Variants in LZTFL1 observed in about 807,000 individuals in gnomAD.
LZTFL1 encodes leucine zipper transcription factor like 1, also known as leucine zipper transcription factor-like protein 1.
LZTFL1 carries 25 observed loss-of-function variants against 45.9 expected under a neutral mutation model. The observed-to-expected ratio is 0.54, with a 90% confidence interval of 0.40 to 0.76. The LOEUF (loss-of-function observed/expected upper bound fraction) is 0.76, where lower values mean the gene tolerates loss of function less well. Ranked by LOEUF, LZTFL1 falls within the 30% of genes least tolerant of loss-of-function variation. LZTFL1 has a pLI of 0.00. For missense variants in LZTFL1, 277 were observed against 331.1 expected (o/e 0.84, Z 1.27); for synonymous variants, 93 against 117.4 (o/e 0.79, Z 1.35).
chr3:45,842,217 C>A (rs1215666720), upstream of LZTFL1: 46 of 1,399,408 alleles, frequency 3.3e-5, no homozygotes, highest in East Asian at 2.6e-5. Context: ...CGGTTGACTG[C>A]CACATGCGCA....
chr3:45,842,745 T>C (rs1351401726), upstream of LZTFL1, among the ~76,000 whole-genome samples: 1 of 152,156 alleles, frequency 6.6e-6, no homozygotes, highest in Admixed American at 6.5e-5. Context: ...GGAACTACTA[T>C]GGAAGCTTGT....
intron 2 of LZTFL1, among the ~76,000 whole-genome samples, chr3:45,871,951 C>T (rs1317218687): frequency 3.3e-5 from 5 of 152,128 alleles, no homozygotes; most frequent in Non-Finnish European, 5.9e-5. Flanking sequence ...CAGTTGCCCA[C>T]GTAAGGAAGT....
At chr3:45,866,556 A>G (rs966466192) in intron 2 of LZTFL1, among the ~76,000 whole-genome samples, 3 of 152,196 alleles carry the variant, frequency 2.0e-5, no homozygotes, top group Non-Finnish European at 4.4e-5. Flanking sequence ...GGATCAATAA[A>G]TGAATGTGTA....
intron 2 of LZTFL1, among the ~76,000 whole-genome samples, chr3:45,908,548 A>G (rs944131036): frequency 6.6e-6 from 1 of 152,012 alleles, no homozygotes; most frequent in Non-Finnish European, 1.5e-5. Context: ...CTGCTCTGGA[A>G]AGGGGAGCCA....
Position 45,901,386 on chromosome 3 carries a change from A to G in LZTFL1, c.-215+11734T>C, listed in dbSNP as rs200323402. 30 of 1,614,076 alleles carry G rather than the reference A, an allele frequency of 1.9e-5. No individual in the cohort carries two copies. The highest frequency in any genetic ancestry group is 2.7e-5 in the African/African-American group (2 of 74,930). Reference sequence around the variant, plus strand: ...GGAATCCGGCATTGCTATCTGCACCATGGTTTACCCTAGCGATGAGAGCAC... The same window carrying G: ...GGAATCCGGCATTGCTATCTGCACCGTGGTTTACCCTAGCGATGAGAGCAC... On this transcript the variant is annotated intron_variant, in intron 2 of 4. Transcript: ENST00000472635. The surrounding 1 kb of genome is among the most constrained non-coding windows in gnomAD (Gnocchi z 4.3).
At chr3:45,830,585 T>TA (rs34332599) in intron 7 of LZTFL1, among the ~76,000 whole-genome samples, 17 of 146,890 alleles carry the variant, frequency 1.2e-4, no homozygotes, top group Non-Finnish European at 1.5e-4. Context: ...AGGGGAAACT[T>TA]AAAAAAAAAA....
chr3:45,868,663 G>A (rs890533066), intron 2 of LZTFL1, among the ~76,000 whole-genome samples: 1 of 152,178 alleles, frequency 6.6e-6, no homozygotes, highest in Non-Finnish European at 1.5e-5. Flanking sequence ...GGTAGGGGGG[G>A]TAAACCCAAC....
Position 45,834,239 on chromosome 3 carries a change from T to A in LZTFL1, c.383A>T (p.Lys128Met). ...GATTTAGAATGACCAAAAAGTTACCTTTTTGTTTGAAGATGTAATCTCTGC... is the reference window on the plus strand; with the variant it reads ...GATTTAGAATGACCAAAAAGTTACCATTTTGTTTGAAGATGTAATCTCTGC... ...EKAEITSSNK[K>M]PILDVTKPKL... Residue 128 changes from lysine to methionine, a missense_variant and splice_region_variant, in exon 4 of 10, where the codon AAG becomes ATG. Transcript: ENST00000296135. The A allele has an allele frequency of 6.3e-7, 1 of 1,583,584 alleles. No homozygotes were observed. The highest frequency in any genetic ancestry group is 8.7e-7 in the Non-Finnish European group (1 of 1,155,228).
chr3:45,884,303 T>G (rs1054037080), intron 2 of LZTFL1, among the ~76,000 whole-genome samples: 3 of 152,152 alleles, frequency 2.0e-5, no homozygotes, highest in African/African-American at 7.2e-5. Context: ...TTTTCAGGAA[T>G]GGACCTAAAC....
At chr3:45,838,684 C>T (rs1701027188) in intron 1 of LZTFL1, among the ~76,000 whole-genome samples, 1 of 152,196 alleles carries the variant, frequency 6.6e-6, no homozygotes, top group Non-Finnish European at 1.5e-5. Flanking sequence ...GAGGCAAGCC[C>T]ATGGAGGTAG....
At chr3:45,895,938 C>T (rs1019062164) in intron 2 of LZTFL1, among the ~76,000 whole-genome samples, 3 of 152,192 alleles carry the variant, frequency 2.0e-5, no homozygotes, top group African/African-American at 7.2e-5. Flanking sequence ...AGCAGGCGGG[C>T]TAACAAACTG....
At chr3:45,897,509 G>A in intron 2 of LZTFL1, 1 of 1,225,090 alleles carries the variant, frequency 8.2e-7, no homozygotes, top group South Asian at 1.3e-5. Context: ...AGAAAGCTGG[G>A]TCACCCAGGT....
In LZTFL1 at chr3:45,901,049, T is replaced by G; in HGVS notation, c.-215+12071A>C. 6.2e-7 allele frequency: 1 copy of G among 1,614,218 alleles called. No individual in the cohort carries two copies. Among genetic ancestry groups the G allele is most frequent in the Non-Finnish European group, 8.5e-7 (1 of 1,180,030 alleles). ...TGAAGACCATGACCGACATGTTCCT[T>G]TTGAATTTGGCAATTGCTGACCTCC... On this transcript the variant is annotated intron_variant, in intron 2 of 4. Coordinates refer to the LZTFL1 transcript ENST00000472635. This position sits in a 1 kb window ranked among gnomAD's most constrained non-coding sequence, Gnocchi z 4.3.
chr3:45,900,859 C>T lies in LZTFL1; in HGVS notation c.-215+12261G>A. ...GACTATGGCTCTGAATCCACATCTT[C>T]CATGGAAGACTACGTTAACTTCAAC... On this transcript the variant is annotated intron_variant, in intron 2 of 4. Transcript: ENST00000472635. This position sits in a 1 kb window ranked among gnomAD's most constrained non-coding sequence, Gnocchi z 4.7. The T allele has an allele frequency of 6.2e-7, 1 of 1,614,066 alleles. No homozygotes were observed. The highest frequency in any genetic ancestry group is 8.5e-7 in the Non-Finnish European group (1 of 1,179,950).
At chr3:45,857,450 G>T (rs1194602658) in intron 3 of LZTFL1, among the ~76,000 whole-genome samples, 2 of 152,086 alleles carry the variant, frequency 1.3e-5, no homozygotes, top group Non-Finnish European at 2.9e-5. Context: ...GTTGATAAGT[G>T]CAGCAAACCA....
chr3:45,838,499 G>A (rs1010391590), intron 1 of LZTFL1, among the ~76,000 whole-genome samples: 3 of 152,258 alleles, frequency 2.0e-5, no homozygotes, highest in African/African-American at 4.8e-5. Context: ...AAGTGAGAGC[G>A]AAATAAACTT....
intron 4 of LZTFL1, among the ~76,000 whole-genome samples, chr3:45,853,818 C>G (rs765810188): frequency 6.6e-6 from 1 of 152,162 alleles, no homozygotes; most frequent in Non-Finnish European, 1.5e-5. Flanking sequence ...CTAAACCAAC[C>G]CTTTCTTTGT....
rs1700639855 is a variant in LZTFL1, at chr3:45,825,451, A to G, written c.*863T>C. The G allele has an allele frequency of 6.6e-6, 1 of 152,350 alleles. No homozygotes were observed. The highest frequency in any genetic ancestry group is 1.9e-4 in the East Asian group (1 of 5,192). 9.4% of individuals were successfully genotyped at this position (152,350 alleles called of 1,614,324 possible). On this transcript the variant is annotated 3_prime_UTR_variant, in exon 10 of 10. Coordinates refer to ENST00000296135, the MANE Select transcript of LZTFL1 (RefSeq NM_020347.4). ...ACAATTATTATAGACCCACATAAAT[A>G]AAGTCTAATCTGAAGTCTGATAGCT...
chr3:45,915,562 C>T (rs775188577), exon 1 of LZTFL1: 32 of 455,792 alleles, frequency 7.0e-5, no homozygotes, highest in South Asian at 4.5e-4. Flanking sequence ...CCCACAGGCC[C>T]GAAGACAGAC....
Sources: allele counts gnomAD v4.1 joint callset (sites outside exome capture counted in the v4.1 genomes callset), GRCh38; gene constraint gnomAD v4.1.1; non-coding constraint Gnocchi (gnomAD v3.1); transcripts MANE v1.5; gene names NCBI Gene and HGNC (gene_info 2026-07-23, HGNC 2026-07-21).